The following DAB1 variants were observed in gnomAD, a reference collection of about 807,000 sequenced individuals.
DAB1 encodes the protein disabled homolog 1.
DAB1 carries 15 observed loss-of-function variants against 64.6 expected under a neutral mutation model. That is an observed-to-expected ratio of 0.23 (90% CI 0.16 to 0.36). The LOEUF is 0.36. Ranked by LOEUF, DAB1 falls within the 10% of genes least tolerant of loss-of-function variation. The probability of loss-of-function intolerance (pLI) is 1.00; values close to 1 mark genes in which losing one functional copy is unlikely to be tolerated. For synonymous variants in DAB1, 235 were observed against 251.9 expected, an observed-to-expected ratio of 0.93 and a Z score of 0.64; for missense variants, 596 against 706.7, an observed-to-expected ratio of 0.84 and a Z score of 1.78.
chr1:57,738,176 C>T (rs1647787830), intron 6 of DAB1, among the ~76,000 whole-genome samples: 2 of 152,150 alleles, frequency 1.3e-5, no homozygotes, highest in Non-Finnish European at 2.9e-5. Context: ...ATGACAGTTC[C>T]TTTCTTAACT....
At chr1:57,264,914 G>A (rs905463128) in intron 2 of DAB1, among the ~76,000 whole-genome samples, 4 of 151,990 alleles carry the variant, frequency 2.6e-5, no homozygotes, top group African/African-American at 9.7e-5. Flanking sequence ...GCTTACATTT[G>A]TAGTCTTTGT....
intron 6 of DAB1, among the ~76,000 whole-genome samples, chr1:57,797,402 T>C (rs1650923146): frequency 6.6e-6 from 1 of 152,230 alleles, no homozygotes; most frequent in African/African-American, 2.4e-5. Context: ...CGATCCTACT[T>C]TGCAAGTCAA....
At chr1:58,394,920 A>G (rs1644506112) in intron 3 of DAB1, among the ~76,000 whole-genome samples, 1 of 152,134 alleles carries the variant, frequency 6.6e-6, no homozygotes, top group Non-Finnish European at 1.5e-5. Flanking sequence ...TATAAAGCCG[A>G]TTTTAAAAAA....
chr1:57,258,018 A>G (rs1669894611), intron 2 of DAB1, among the ~76,000 whole-genome samples: 2 of 152,242 alleles, frequency 1.3e-5, no homozygotes, highest in Non-Finnish European at 2.9e-5. Context: ...GGATTAGAAT[A>G]GGAATATTTG....
At chr1:58,412,577 A>G (rs1394631219) in intron 3 of DAB1, among the ~76,000 whole-genome samples, 1 of 152,202 alleles carries the variant, frequency 6.6e-6, no homozygotes, top group Non-Finnish European at 1.5e-5. Flanking sequence ...GCCAAATGGC[A>G]TTTGTCACAA....
chr1:57,083,258 C>T (rs1232111990), intron 4 of DAB1, among the ~76,000 whole-genome samples: 1 of 152,192 alleles, frequency 6.6e-6, no homozygotes, highest in Non-Finnish European at 1.5e-5. Flanking sequence ...TGGACTGCTG[C>T]CAGGTATGGC....
intron 9 of DAB1, chr1:57,033,693 G>A: frequency 1.1e-6 from 1 of 936,878 alleles, no homozygotes; most frequent in African/African-American, 1.6e-5. Flanking sequence ...GTAGGCGGGA[G>A]CTGTTTCCAA....
chr1:57,092,134 T>C (rs1653739456), intron 4 of DAB1, among the ~76,000 whole-genome samples: 1 of 152,214 alleles, frequency 6.6e-6, no homozygotes, highest in South Asian at 2.1e-4. Context: ...AAAGACACCC[T>C]ACCTACCCCT....
At chr1:57,308,855 T>TAACCAAGCTAAGATC (rs1553166607) in intron 1 of DAB1, among the ~76,000 whole-genome samples, 4 of 152,056 alleles carry the variant, frequency 2.6e-5, no homozygotes, top group Non-Finnish European at 5.9e-5. Flanking sequence ...TAAATGGCTG[T>TAACCAAGCTAAGATC]AACCAAGCTA....
chr1:58,354,397 T>G (rs906297733), intron 3 of DAB1, among the ~76,000 whole-genome samples: 24 of 152,148 alleles, frequency 1.6e-4, no homozygotes, highest in Non-Finnish European at 2.9e-4. Flanking sequence ...TGGTGCACCT[T>G]CTCTCGTAGC....
chr1:57,439,433 T>TTTTTTTGTTTTTTTTTTTTTTTTG (rs1558381538), intron 7 of DAB1, among the ~76,000 whole-genome samples: 4 of 131,926 alleles, frequency 3.0e-5, no homozygotes, highest in East Asian at 4.8e-4. Flanking sequence ...TTCTTTTTTT[T>TTTTTTTGTTTTTTTTTTTTTTTTG]TTTTTTTTTT....
At chr1:58,326,519 C>A (rs1341326119) in intron 4 of DAB1, among the ~76,000 whole-genome samples, 1 of 152,176 alleles carries the variant, frequency 6.6e-6, no homozygotes, top group Non-Finnish European at 1.5e-5. Context: ...CAGATTCCAC[C>A]TGAAGATGGA....
intron 3 of DAB1, among the ~76,000 whole-genome samples, chr1:58,418,463 A>T (rs706415): frequency 0.7 from 106,989 of 151,936 alleles, 38,747 homozygotes; most frequent in African/African-American, 0.89. Flanking sequence ...TGGCTTTGAG[A>T]ATCAGTTATA....
At chr1:57,295,171 T>C (rs1673086119) in intron 1 of DAB1, among the ~76,000 whole-genome samples, 1 of 152,084 alleles carries the variant, frequency 6.6e-6, no homozygotes, top group Admixed American at 6.6e-5. Context: ...TTGCACAACA[T>C]CATGACTATA....
At chr1:58,375,392 G>C (rs1327083186) in intron 3 of DAB1, among the ~76,000 whole-genome samples, 10 of 134,568 alleles carry the variant, frequency 7.4e-5, no homozygotes, top group African/African-American at 1.7e-4. Context: ...TAGCATGAAG[G>C]GTTGTTGAAT....
intron 6 of DAB1, among the ~76,000 whole-genome samples, chr1:57,790,138 G>A (rs1207811105): frequency 2.0e-5 from 3 of 152,114 alleles, no homozygotes; most frequent in Non-Finnish European, 4.4e-5. Context: ...TTCTGATATG[G>A]TTTGGCTGTG....
At chr1:57,967,072 C>T (rs1259471102) in intron 5 of DAB1, among the ~76,000 whole-genome samples, 1 of 152,160 alleles carries the variant, frequency 6.6e-6, no homozygotes, top group Non-Finnish European at 1.5e-5. Flanking sequence ...CACACACACA[C>T]AAGAATGTCA....
chr1:57,636,105 AAAAAAAAAC>A (rs1168956019), intron 7 of DAB1, among the ~76,000 whole-genome samples: 1 of 149,674 alleles, frequency 6.7e-6, no homozygotes, highest in Non-Finnish European at 1.5e-5. Flanking sequence ...TCAAAAAAAA[AAAAAAAAAC>A]AAAAACAAAA....
intron 5 of DAB1, among the ~76,000 whole-genome samples, chr1:57,914,357 C>T (rs929579957): frequency 8.0e-5 from 12 of 149,958 alleles, no homozygotes; most frequent in African/African-American, 3.0e-4. Context: ...AAAAACCAAA[C>T]ACCCCATGTT....
Sources: gnomAD v4.1 joint callset for allele counts (sites outside exome capture counted in the v4.1 genomes callset) on GRCh38, gnomAD v4.1.1 for gene constraint, MANE v1.5 for transcripts, NCBI Gene and HGNC (gene_info 2026-07-23, HGNC 2026-07-21) for gene names.